Variants in GRM1 observed in about 807,000 individuals in gnomAD.
The protein encoded by GRM1 is metabotropic glutamate receptor 1.
A neutral mutation model predicts 90.9 loss-of-function variants in GRM1; 33 were observed. The observed-to-expected ratio is 0.36, with a 90% CI of 0.28 to 0.49. GRM1 has a LOEUF of 0.49. GRM1 is among the 20% of genes least tolerant of loss of function. GRM1 has a pLI of 0.99. For missense variants in GRM1, 1,190 were observed against 1,534.3 expected (o/e 0.78, Z 3.75); for synonymous variants, 700 against 613.2 (o/e 1.14, Z -2.09).
chr6:146,264,849 G>T (rs1274080212), intron 2 of GRM1, among the ~76,000 whole-genome samples: 1 of 152,052 alleles, frequency 6.6e-6, no homozygotes, highest in African/African-American at 2.4e-5. Flanking sequence ...CATCCATGTT[G>T]CACAAAAGAC....
At chr6:146,048,242 T>C (rs1791404972) in intron 1 of GRM1, among the ~76,000 whole-genome samples, 1 of 152,024 alleles carries the variant, frequency 6.6e-6, no homozygotes, top group South Asian at 2.1e-4. Flanking sequence ...GGCAATCTAA[T>C]AGACATTTGG....
chr6:146,034,876 C>T (rs1477617126), intron 1 of GRM1, among the ~76,000 whole-genome samples: 2 of 151,924 alleles, frequency 1.3e-5, no homozygotes, highest in African/African-American at 4.8e-5. Context: ...TGCATAAAAA[C>T]TTTAAATAAC....
intron 1 of GRM1, among the ~76,000 whole-genome samples, chr6:146,132,283 G>T (rs959175694): frequency 6.6e-6 from 1 of 151,718 alleles, no homozygotes; most frequent in Non-Finnish European, 1.5e-5. Flanking sequence ...CAGTGGATGT[G>T]GTGGGGGGGG....
intron 5 of GRM1, among the ~76,000 whole-genome samples, chr6:146,362,745 A>C (rs1236664505): frequency 6.6e-6 from 1 of 152,014 alleles, no homozygotes; most frequent in Non-Finnish European, 1.5e-5. Flanking sequence ...TCATCTTAAA[A>C]GGCATTAGAA....
At chr6:146,146,104 T>TTTTTTTTTTTTTTTTTTTTTTTTTTC (rs1777090456) in intron 1 of GRM1, among the ~76,000 whole-genome samples, 1 of 21,536 alleles carries the variant, frequency 4.6e-5, no homozygotes, top group Non-Finnish European at 7.9e-5. Flanking sequence ...CCATTGTATC[T>TTTTTTTTTTTTTTTTTTTTTTTTTTC]TTTTTTTTTT....
intron 1 of GRM1, among the ~76,000 whole-genome samples, chr6:146,145,983 A>C (rs1777079321): frequency 6.6e-6 from 1 of 151,968 alleles, no homozygotes; most frequent in Non-Finnish European, 1.5e-5. Context: ...CTGAAGTCTT[A>C]AGATTTAACG....
At chr6:146,391,938 C>T (rs893854416) in intron 6 of GRM1, among the ~76,000 whole-genome samples, 11 of 152,028 alleles carry the variant, frequency 7.2e-5, no homozygotes, top group Non-Finnish European at 1.3e-4. Context: ...GTACTTACAT[C>T]CCCTCTAGCA....
chr6:146,248,291 A>T (rs991438649), intron 2 of GRM1, among the ~76,000 whole-genome samples: 2 of 152,302 alleles, frequency 1.3e-5, no homozygotes, highest in Non-Finnish European at 1.5e-5. Flanking sequence ...TACTGTCAAG[A>T]TAGGTGGATT....
intron 1 of GRM1, among the ~76,000 whole-genome samples, chr6:146,146,074 T>A (rs1385578243): frequency 6.7e-6 from 1 of 148,266 alleles, no homozygotes; most frequent in East Asian, 2.0e-4. Flanking sequence ...TGTAAATATT[T>A]GCCCTGTGCC....
At chr6:146,314,305 A>AC (rs1783886156) in intron 3 of GRM1, among the ~76,000 whole-genome samples, 1 of 151,158 alleles carries the variant, frequency 6.6e-6, no homozygotes, top group African/African-American at 2.4e-5. Flanking sequence ...CGAACTCCTG[A>AC]CCTCAAGTAA....
chr6:146,278,628 A>G (rs1346456652), intron 2 of GRM1, among the ~76,000 whole-genome samples: 1 of 152,108 alleles, frequency 6.6e-6, no homozygotes, highest in East Asian at 1.9e-4. Flanking sequence ...ATACAAAAAT[A>G]CAAAAATTAG....
intron 2 of GRM1, among the ~76,000 whole-genome samples, chr6:146,235,476 C>A (rs1443809289): frequency 6.6e-6 from 1 of 152,014 alleles, no homozygotes; most frequent in African/African-American, 2.4e-5. Context: ...CCATAATACC[C>A]TCAAATTTCA....
At chr6:146,229,019 G>T (rs1253692949) in intron 2 of GRM1, among the ~76,000 whole-genome samples, 1 of 152,032 alleles carries the variant, frequency 6.6e-6, no homozygotes, top group Non-Finnish European at 1.5e-5. Flanking sequence ...GGTGTAGAGA[G>T]TACATAAACA....
intron 3 of GRM1, among the ~76,000 whole-genome samples, chr6:146,328,941 G>A (rs774509235): frequency 5.1e-4 from 77 of 152,166 alleles, no homozygotes; most frequent in Non-Finnish European, 9.8e-4. Flanking sequence ...AATAGGGCAG[G>A]CTATGCCAGT....
chr6:146,336,398 C>T (rs1270390999), intron 3 of GRM1, among the ~76,000 whole-genome samples: 3 of 152,126 alleles, frequency 2.0e-5, no homozygotes, highest in Admixed American at 2.0e-4. Flanking sequence ...TCCAGGAAAT[C>T]CTCTGAAACA....
chr6:146,039,960 A>G (rs1791035800), intron 1 of GRM1, among the ~76,000 whole-genome samples: 1 of 152,068 alleles, frequency 6.6e-6, no homozygotes, highest in Non-Finnish European at 1.5e-5. Flanking sequence ...AAGGGATCCC[A>G]TAGGCCACCG....
intron 2 of GRM1, among the ~76,000 whole-genome samples, chr6:146,161,474 C>G (rs73571292): frequency 1.3e-5 from 2 of 152,042 alleles, no homozygotes; most frequent in African/African-American, 4.8e-5. Context: ...TTCTGAGAGT[C>G]GCACATGTGT....
intron 3 of GRM1, among the ~76,000 whole-genome samples, chr6:146,309,270 G>C (rs764347042): frequency 2.5e-4 from 38 of 151,910 alleles, no homozygotes; most frequent in Non-Finnish European, 2.8e-4. Context: ...TTGGTGGCGG[G>C]TGCCTATAAT....
intron 6 of GRM1, among the ~76,000 whole-genome samples, chr6:146,395,863 G>A (rs1159707911): frequency 6.6e-6 from 1 of 152,086 alleles, no homozygotes; most frequent in Non-Finnish European, 1.5e-5. Context: ...GCATTCAGAA[G>A]GTTACCAAAG....
Sources: gnomAD v4.1 joint callset for allele counts (sites outside exome capture counted in the v4.1 genomes callset) on GRCh38, gnomAD v4.1.1 for gene constraint, MANE v1.5 for transcripts, NCBI Gene and HGNC (gene_info 2026-07-23, HGNC 2026-07-21) for gene names.